Variants in PLAAT1 observed in about 807,000 individuals in gnomAD.
The protein encoded by PLAAT1 is H-REV107 protein-related protein.
Under a neutral mutation model 16.4 loss-of-function variants are expected in PLAAT1, and 13 were observed. The observed-to-expected ratio is 0.79, with a 90% CI of 0.52 to 1.26. The LOEUF (loss-of-function observed/expected upper bound fraction) is 1.26, where lower values mean the gene tolerates loss of function less well. Ranked by LOEUF, PLAAT1 falls within the 50% of genes most tolerant of loss-of-function variation. The pLI is 0.00. For synonymous variants in PLAAT1, 73 were observed against 78.4 expected (o/e 0.93, Z 0.36); for missense variants, 218 against 207.8 (o/e 1.05, Z -0.30).
chr3:193,255,229 G>C (rs764073065), intron 1 of PLAAT1, among the ~76,000 whole-genome samples: 8 of 152,052 alleles, frequency 5.3e-5, no homozygotes, highest in Non-Finnish European at 7.4e-5. Context: ...CATTTACTTA[G>C]TAAACAGATA....
chr3:193,253,894 G>GA (rs1163930949), intron 1 of PLAAT1, among the ~76,000 whole-genome samples: 8 of 151,736 alleles, frequency 5.3e-5, no homozygotes, highest in Non-Finnish European at 8.8e-5. Flanking sequence ...TAGTGCATTT[G>GA]AAAAAAAATT....
chr3:193,254,669 T>C (rs918817545), intron 1 of PLAAT1, among the ~76,000 whole-genome samples: 1 of 152,330 alleles, frequency 6.6e-6, no homozygotes, highest in South Asian at 2.1e-4. Flanking sequence ...TTCATCAATG[T>C]GATGAACTCA....
At chr3:193,240,687 T>TGTGTGG (rs1277878870), upstream of PLAAT1, among the ~76,000 whole-genome samples, 1 of 46,078 alleles carries the variant, frequency 2.2e-5, no homozygotes. Context: ...GTGTGTGTGG[T>TGTGTGG]TGGAGGTCTC....
At chr3:193,248,284 A>T (rs1037133002) in intron 1 of PLAAT1, among the ~76,000 whole-genome samples, 1 of 151,708 alleles carries the variant, frequency 6.6e-6, no homozygotes, top group Admixed American at 6.6e-5. Flanking sequence ...TTATCAGCTT[A>T]TATGTGTTCT....
intron 2 of PLAAT1, chr3:193,276,807 C>G (rs777079199): frequency 6.2e-7 from 1 of 1,613,512 alleles, no homozygotes; most frequent in African/African-American, 1.3e-5. Flanking sequence ...TTAAAACCCT[C>G]CACGATGTTA....
intron 3 of PLAAT1, among the ~76,000 whole-genome samples, chr3:193,263,609 C>T (rs1360914620): frequency 6.6e-6 from 1 of 152,112 alleles, no homozygotes; most frequent in Non-Finnish European, 1.5e-5. Flanking sequence ...GTTTATTTAC[C>T]AGTATCACAA....
chr3:193,270,870 A>C (rs2108805563), downstream of PLAAT1: 1 of 1,305,108 alleles, frequency 7.7e-7, no homozygotes, highest in Admixed American at 3.3e-5. Flanking sequence ...TGAGCCAATG[A>C]AATTTTTTTC....
At chr3:193,279,976 TAAAAA>T (rs57617984), downstream of PLAAT1, among the ~76,000 whole-genome samples, 1,782 of 59,870 alleles carry the variant, frequency 0.03, 38 homozygotes, top group Admixed American at 0.088. Flanking sequence ...GTGTCTTTGT[TAAAAA>T]AAAAAAAAAA....
intron 1 of PLAAT1, among the ~76,000 whole-genome samples, chr3:193,250,609 A>G (rs1233392584): frequency 6.6e-6 from 1 of 152,144 alleles, no homozygotes; most frequent in African/African-American, 2.4e-5. Context: ...GTGTATGGAA[A>G]CTACTTCTGG....
At chr3:193,245,312 C>T (rs1161991453) in intron 1 of PLAAT1, among the ~76,000 whole-genome samples, 1 of 152,104 alleles carries the variant, frequency 6.6e-6, no homozygotes, top group Non-Finnish European at 1.5e-5. Context: ...ACGTTTCTGG[C>T]TTATTTCACT....
downstream of PLAAT1, chr3:193,274,730 T>C (rs1046176728): frequency 3.3e-6 from 1 of 303,228 alleles, no homozygotes; most frequent in African/African-American, 2.1e-5. Context: ...TTTCCATTGA[T>C]GTTCATACTA....
chr3:193,243,951 A>G (rs1715876058), intron 1 of PLAAT1, among the ~76,000 whole-genome samples: 1 of 152,216 alleles, frequency 6.6e-6, no homozygotes, highest in Non-Finnish European at 1.5e-5. Flanking sequence ...ATGTTATAAA[A>G]ATGGAATGAT....
At chr3:193,272,807 C>G (rs567155487), downstream of PLAAT1, among the ~76,000 whole-genome samples, 83 of 76,964 alleles carry the variant, frequency 1.1e-3, no homozygotes, top group African/African-American at 5.0e-3. Flanking sequence ...AGTTTTCACC[C>G]TTAGAGGTTA....
intron 2 of PLAAT1, among the ~76,000 whole-genome samples, chr3:193,261,906 C>A (rs1032367333): frequency 4.6e-5 from 7 of 152,174 alleles, no homozygotes; most frequent in African/African-American, 1.7e-4. Context: ...TGTGTGAGAA[C>A]TTGCAATGTG....
downstream of PLAAT1, among the ~76,000 whole-genome samples, chr3:193,275,838 C>A (rs1228758043): frequency 6.6e-6 from 1 of 152,090 alleles, no homozygotes; most frequent in African/African-American, 2.4e-5. Flanking sequence ...GCTAAACTTT[C>A]TGTGGTAAAC....
At chr3:193,249,732 C>A (rs1716123906) in intron 1 of PLAAT1, among the ~76,000 whole-genome samples, 1 of 151,918 alleles carries the variant, frequency 6.6e-6, no homozygotes, top group Non-Finnish European at 1.5e-5. Flanking sequence ...TACCAATGAC[C>A]CGTATTCAAG....
intron 1 of PLAAT1, among the ~76,000 whole-genome samples, chr3:193,254,625 A>T (rs567923683): frequency 6.5e-4 from 98 of 151,316 alleles, no homozygotes; most frequent in African/African-American, 2.3e-3. Flanking sequence ...GTATTGACTT[A>T]AAAAAAATTA....
intron 2 of PLAAT1, chr3:193,276,884 AAGAC>A (rs112961912): frequency 9.7e-6 from 12 of 1,238,620 alleles, no homozygotes; most frequent in African/African-American, 9.1e-5. Context: ...ACTTTGAAAA[AAGAC>A]CATATTAATT....
At chr3:193,268,578 A>G (rs2108803128) in intron 3 of PLAAT1, among the ~76,000 whole-genome samples, 1 of 152,340 alleles carries the variant, frequency 6.6e-6, no homozygotes, top group East Asian at 1.9e-4. Flanking sequence ...AGATGTTGTA[A>G]TCTTGCACAT....
Sources: allele counts gnomAD v4.1 joint callset (sites outside exome capture counted in the v4.1 genomes callset), GRCh38; gene constraint gnomAD v4.1.1; transcripts MANE v1.5; gene names NCBI Gene and HGNC (gene_info 2026-07-23, HGNC 2026-07-21).